TRPC7: variants seen among roughly 807,000 people sequenced by gnomAD.
The protein encoded by TRPC7 is short transient receptor potential channel 7.
A neutral mutation model predicts 90.1 loss-of-function variants in TRPC7; 42 were observed. The observed-to-expected ratio is 0.47, with a 90% confidence interval of 0.36 to 0.60. TRPC7 has a LOEUF of 0.60. TRPC7 is among the 20% of genes least tolerant of loss of function. TRPC7 has a pLI of 0.00. For missense variants in TRPC7, 955 were observed against 1,112.3 expected (o/e 0.86, Z 2.01); for synonymous variants, 451 against 436.3 (o/e 1.03, Z -0.42).
intron 3 of TRPC7, among the ~76,000 whole-genome samples, chr5:136,299,262 T>G (rs922059665): frequency 2.0e-5 from 3 of 150,714 alleles, no homozygotes; most frequent in Non-Finnish European, 4.4e-5. Flanking sequence ...GATCACACCA[T>G]TGCACTTCAG....
chr5:136,235,319 C>T (rs1207114687), intron 7 of TRPC7, among the ~76,000 whole-genome samples: 4 of 152,160 alleles, frequency 2.6e-5, no homozygotes, highest in African/African-American at 4.8e-5. Context: ...TAGAGCTCTA[C>T]AATGAACTTA....
At chr5:136,225,480 AT>A in intron 9 of TRPC7, 126 bp from the exon 10 acceptor site, 1 of 846,930 alleles carries the variant, frequency 1.2e-6, no homozygotes, top group Non-Finnish European at 1.8e-6. Context: ...TTGAAAGCTG[AT>A]TTACCTGGTG....
intron 2 of TRPC7, among the ~76,000 whole-genome samples, chr5:136,353,112 A>G (rs143594204): frequency 2.6e-5 from 4 of 152,298 alleles, no homozygotes; most frequent in Non-Finnish European, 5.9e-5. Flanking sequence ...TTCTAGATCC[A>G]AGATTAGAGA....
intron 2 of TRPC7, among the ~76,000 whole-genome samples, chr5:136,333,038 G>A (rs544986169): frequency 1.4e-4 from 21 of 152,278 alleles, no homozygotes; most frequent in Non-Finnish European, 2.5e-4. Context: ...GATACATAGA[G>A]CAGCCTCCTC....
At chr5:136,251,986 T>G in intron 5 of TRPC7, 104 bp from the exon 6 acceptor site, 1 of 912,384 alleles carries the variant, frequency 1.1e-6, no homozygotes, top group Non-Finnish European at 1.7e-6. Flanking sequence ...ATATCAGCTC[T>G]TTGGAGCTGG....
intron 7 of TRPC7, among the ~76,000 whole-genome samples, chr5:136,245,584 C>T (rs990640567): frequency 1.3e-5 from 2 of 152,158 alleles, no homozygotes; most frequent in Non-Finnish European, 2.9e-5. Context: ...TTCTAGGCCA[C>T]TCAGGGCTTC....
chr5:136,349,449 CAG>C (rs1261843079), intron 2 of TRPC7, among the ~76,000 whole-genome samples: 1 of 152,172 alleles, frequency 6.6e-6, no homozygotes, highest in Non-Finnish European at 1.5e-5. Flanking sequence ...TGCTGAGAAA[CAG>C]AGAGATCTTC....
chr5:136,323,223 CT>C (rs1184001941), intron 2 of TRPC7, among the ~76,000 whole-genome samples: 101 of 152,332 alleles, frequency 6.6e-4, no homozygotes, highest in African/African-American at 2.3e-3. Context: ...TGCCTTTCAC[CT>C]TTGGCCATGA....
At position 136,266,234 on chromosome 5, in the gene TRPC7, A is replaced by G. The variant is rs776665407; in HGVS notation, c.1331T>C (p.Met444Thr). The G allele has an allele frequency of 2.5e-6, 4 of 1,613,868 alleles. No homozygotes were observed. Among genetic ancestry groups the G allele is most frequent in the Non-Finnish European group, 3.4e-6 (4 of 1,179,740 alleles). ...GACTTGCTTACCTAAGACCCACTTC[A>G]TAATGAGCATTTCTGTCCAGGAGAA... is the stretch of plus-strand genomic sequence containing the variant. ...TQFSWTEMLI[M>T]KWVLGMIWSE... is the part of the protein sequence containing the mutation. The change falls in exon 5 of 12, where the codon ATG (methionine) becomes ACG (threonine). Residue 444 changes from methionine (M) to threonine (T), a missense_variant. Met to Thr is a moderately conservative substitution (Grantham distance 81, BLOSUM62 -1). Coordinates refer to ENST00000513104, the MANE Select transcript of TRPC7 (RefSeq NM_020389.3).
intron 2 of TRPC7, among the ~76,000 whole-genome samples, chr5:136,316,909 T>C (rs1759042494): frequency 6.6e-6 from 1 of 152,226 alleles, no homozygotes; most frequent in Non-Finnish European, 1.5e-5. Flanking sequence ...GTTGTGCTTT[T>C]CCAGAACATG....
chr5:136,287,047 A>T (rs1405637605), intron 3 of TRPC7, among the ~76,000 whole-genome samples: 1 of 152,062 alleles, frequency 6.6e-6, no homozygotes, highest in Non-Finnish European at 1.5e-5. Flanking sequence ...CTTCCCTTTG[A>T]CAGCACTGTA....
chr5:136,220,091 G>A (rs867208587), intron 10 of TRPC7, among the ~76,000 whole-genome samples: 6 of 152,128 alleles, frequency 3.9e-5, no homozygotes, highest in African/African-American at 2.4e-5. Context: ...TGTTGTCTTT[G>A]TAAGCTGAGG....
At position 136,213,529 on chromosome 5, in the gene TRPC7, C is replaced by T. The variant is rs2149790686; in HGVS notation, c.2495G>A (p.Gly832Asp). 1 of 1,614,042 alleles carries T rather than the reference C, an allele frequency of 6.2e-7. No individual in the cohort carries two copies. Among genetic ancestry groups the T allele is most frequent in the Non-Finnish European group, 8.5e-7 (1 of 1,179,896 alleles). ...ELLEEKSQAT[G>D]ELADLIQQLS... ...TTGTTGAATCAGGTCTGCCAGCTCA[C>T]CAGTAGCTTGAGATTTTTCCTCAAG... The change falls in exon 12 of 12, where the codon GGT (glycine) becomes GAT (aspartate). Residue 832 changes from glycine (G) to aspartate (D), a missense_variant. By Grantham distance (94) the Gly-to-Asp change is moderately conservative. This residue lies in a region of TRPC7 where 296 missense variants were observed against 422.7 expected (regional missense o/e 0.70). Coordinates refer to ENST00000513104, the MANE Select transcript of TRPC7 (RefSeq NM_020389.3).
intron 3 of TRPC7, among the ~76,000 whole-genome samples, chr5:136,287,455 C>T (rs1580902731): frequency 6.6e-6 from 1 of 151,780 alleles, no homozygotes; most frequent in African/African-American, 2.4e-5. Context: ...CAGTTGAACT[C>T]CCTGCCTTGG....
chr5:136,346,367 A>G (rs1312532594), intron 2 of TRPC7, among the ~76,000 whole-genome samples: 1 of 152,172 alleles, frequency 6.6e-6, no homozygotes, highest in Non-Finnish European at 1.5e-5. Context: ...TATTATCCCC[A>G]AACCCAACAC....
At chr5:136,304,065 T>A (rs1340189811) in intron 3 of TRPC7, among the ~76,000 whole-genome samples, 1 of 148,386 alleles carries the variant, frequency 6.7e-6, no homozygotes, top group East Asian at 2.0e-4. Flanking sequence ...CCCAGTTCCC[T>A]TATTAGGCTG....
intron 3 of TRPC7, among the ~76,000 whole-genome samples, chr5:136,293,681 G>T (rs2149826243): frequency 6.6e-6 from 1 of 152,276 alleles, no homozygotes; most frequent in East Asian, 1.9e-4. Context: ...CTCATGGGTA[G>T]GAAGAATCAA....
intron 5 of TRPC7, 42 bp downstream of exon 5, chr5:136,266,176 CTA>C: frequency 6.5e-7 from 1 of 1,529,662 alleles, no homozygotes; most frequent in Non-Finnish European, 9.1e-7. Context: ...TAATGTCCTA[CTA>C]TAATTAGCAA....
At chr5:136,259,997 G>A (rs1425325626) in intron 5 of TRPC7, among the ~76,000 whole-genome samples, 3 of 152,200 alleles carry the variant, frequency 2.0e-5, no homozygotes, top group Non-Finnish European at 4.4e-5. Context: ...AAATTCTGCT[G>A]AGAACTGGGC....
Sources: gnomAD v4.1 joint callset for allele counts (sites outside exome capture counted in the v4.1 genomes callset) on GRCh38, gnomAD v4.1.1 for gene constraint, gnomAD v4.1.1 regional missense constraint, MANE v1.5 for transcripts, NCBI Gene and HGNC (gene_info 2026-07-23, HGNC 2026-07-21) for gene names.